The following ASTN2 variants were observed in gnomAD, a reference collection of about 807,000 sequenced individuals.
The protein encoded by ASTN2 is astrotactin 2.
ASTN2 carries 54 observed loss-of-function variants against 139.8 expected under a neutral mutation model. The observed-to-expected ratio is 0.39, with a 90% CI of 0.31 to 0.48. The LOEUF is 0.48. Among genes scored for constraint, ASTN2 ranks in the 20% least tolerant of loss-of-function variants. The pLI is 0.95. For synonymous variants in ASTN2, 756 were observed against 719.5 expected (o/e 1.05, Z -0.81); for missense variants, 1,565 against 1,725.1 (o/e 0.91, Z 1.64).
intron 12 of ASTN2, among the ~76,000 whole-genome samples, chr9:116,811,841 A>G (rs959917085): frequency 2.6e-5 from 4 of 152,220 alleles, no homozygotes; most frequent in East Asian, 1.9e-4. Flanking sequence ...ATTTATTTCT[A>G]TTGGTTCTCA....
chr9:117,169,730 T>C lies in ASTN2; in HGVS notation c.1016-28252A>G, dbSNP rs541047922. On this transcript the variant is annotated intron_variant, in intron 3 of 22. Coordinates refer to ENST00000313400, the MANE Select transcript of ASTN2 (RefSeq NM_001365068.1). ...TGCAGCTTGGAGGCTACGTCAGACA[T>C]GGTGGGGTGGGGCAGGGGGCTGGTG... is the stretch of plus-strand genomic sequence containing the variant. Among the ~76,000 whole-genome samples, 85 of 145,012 alleles carry C rather than the reference T, an allele frequency of 5.9e-4. 1 individual carries two copies. Among genetic ancestry groups the C allele is most frequent in the Admixed American group, 5.8e-3 (85 of 14,606 alleles).
chr9:116,756,709 C>A (rs1232099889), intron 13 of ASTN2, among the ~76,000 whole-genome samples: 1 of 151,760 alleles, frequency 6.6e-6, no homozygotes, highest in African/African-American at 2.4e-5. Context: ...GGCCTCCATC[C>A]CTGTTACTTC....
At chr9:116,644,148 G>A (rs924767789) in intron 17 of ASTN2, among the ~76,000 whole-genome samples, 16 of 152,152 alleles carry the variant, frequency 1.1e-4, no homozygotes, top group Non-Finnish European at 1.0e-4. Flanking sequence ...AATAACTGGG[G>A]GAGGGGGTGA....
At chr9:116,896,777 G>T (rs1833889486) in intron 10 of ASTN2, among the ~76,000 whole-genome samples, 1 of 152,150 alleles carries the variant, frequency 6.6e-6, no homozygotes, top group South Asian at 2.1e-4. Flanking sequence ...CCATTTATAA[G>T]ACCATTAGAT....
intron 20 of ASTN2, among the ~76,000 whole-genome samples, chr9:116,477,432 C>T (rs758791032): frequency 2.4e-4 from 37 of 151,946 alleles, no homozygotes; most frequent in Admixed American, 9.2e-4. Flanking sequence ...ACATTCCACT[C>T]GAGTTTGGGG....
At chr9:116,548,586 T>C (rs1378435553) in intron 19 of ASTN2, among the ~76,000 whole-genome samples, 1 of 151,644 alleles carries the variant, frequency 6.6e-6, no homozygotes, top group Non-Finnish European at 1.5e-5. Context: ...GATTCTCCTG[T>C]CTCAGCCTCC....
chr9:117,076,556 A>G (rs936831055), intron 5 of ASTN2, among the ~76,000 whole-genome samples: 1 of 152,206 alleles, frequency 6.6e-6, no homozygotes, highest in African/African-American at 2.4e-5. Flanking sequence ...ATGTTTTCAG[A>G]CGTGTGTGGT....
intron 11 of ASTN2, among the ~76,000 whole-genome samples, chr9:116,839,537 T>C (rs1380384647): frequency 6.6e-6 from 1 of 152,066 alleles, no homozygotes; most frequent in Non-Finnish European, 1.5e-5. Context: ...TGGAGTGCAG[T>C]GGCACGATCT....
At chr9:117,199,144 C>A (rs1167868563) in intron 3 of ASTN2, among the ~76,000 whole-genome samples, 1 of 152,106 alleles carries the variant, frequency 6.6e-6, no homozygotes, top group Admixed American at 6.6e-5. Flanking sequence ...AATTAGATAC[C>A]ATTTGTCAAT....
chr9:116,446,225 G>A (rs574705154), intron 20 of ASTN2, among the ~76,000 whole-genome samples: 1 of 150,812 alleles, frequency 6.6e-6, no homozygotes, highest in East Asian at 2.0e-4. Context: ...CAGGGACAGA[G>A]AGAGACAGAG....
chr9:116,709,669 A>C (rs1250129653), intron 16 of ASTN2, among the ~76,000 whole-genome samples: 2 of 152,186 alleles, frequency 1.3e-5, no homozygotes, highest in African/African-American at 4.8e-5. Context: ...ATATATACTT[A>C]TACTCAAAGT....
At chr9:116,638,651 A>ATTGTGG (rs1857185496) in intron 17 of ASTN2, among the ~76,000 whole-genome samples, 1 of 152,210 alleles carries the variant, frequency 6.6e-6, no homozygotes, top group East Asian at 1.9e-4. Flanking sequence ...AGCAAAATCC[A>ATTGTGG]GGTTGTGGGG....
At chr9:116,566,600 G>A (rs1853245159) in intron 19 of ASTN2, among the ~76,000 whole-genome samples, 1 of 152,210 alleles carries the variant, frequency 6.6e-6, no homozygotes, top group Non-Finnish European at 1.5e-5. Flanking sequence ...GTCAATACCT[G>A]CAGCGGAATT....
chr9:116,987,147 C>A (rs1836710560), intron 7 of ASTN2, among the ~76,000 whole-genome samples: 2 of 152,230 alleles, frequency 1.3e-5, no homozygotes, highest in South Asian at 4.1e-4. Context: ...GGCTCTGTGT[C>A]CTCAACCAAA....
At chr9:117,047,059 C>T (rs528318655) in intron 5 of ASTN2, among the ~76,000 whole-genome samples, 1 of 152,288 alleles carries the variant, frequency 6.6e-6, no homozygotes, top group Admixed American at 6.5e-5. Flanking sequence ...CCTCATTAAC[C>T]TCACTGAGTG....
At chr9:117,299,651 C>T (rs1329099270) in intron 1 of ASTN2, among the ~76,000 whole-genome samples, 1 of 152,166 alleles carries the variant, frequency 6.6e-6, no homozygotes, top group Non-Finnish European at 1.5e-5. Context: ...AACTCTTGCC[C>T]ATGGAGCATC....
chr9:116,856,828 A>G (rs890712289), intron 11 of ASTN2, among the ~76,000 whole-genome samples: 1 of 152,140 alleles, frequency 6.6e-6, no homozygotes, highest in Non-Finnish European at 1.5e-5. Flanking sequence ...AGGGTTGAGG[A>G]GTGTGGGATT....
chr9:117,043,020 A>G (rs1412462296), intron 5 of ASTN2, among the ~76,000 whole-genome samples: 1 of 151,994 alleles, frequency 6.6e-6, no homozygotes, highest in Non-Finnish European at 1.5e-5. Context: ...ATAGGCACAC[A>G]CCACCACACC....
chr9:116,718,972 G>GTGTGTGTGTATATATATATATATATA lies in ASTN2; in HGVS notation c.2806+6798_2806+6799insTATATATATATATATATACACACACA, dbSNP rs56991546. On this transcript the variant is annotated intron_variant, in intron 16 of 22. Transcript: ENST00000313400. ...TATTTACATATCTATACCTGTATCT[G>GTGTGTGTGTATATATATATATATATA]TACATATATATATATATATCTGCCT... Among the ~76,000 whole-genome samples, 368 of 100,024 alleles carry GTGTGTGTGTATATATATATATATATA rather than the reference G, an allele frequency of 3.7e-3. 7 individuals are homozygous for GTGTGTGTGTATATATATATATATATA. The highest frequency in any genetic ancestry group is 0.013 in the African/African-American group (350 of 26,036). 65.6% of individuals were successfully genotyped at this position (100,024 alleles called of 152,430 possible).
Sources: gnomAD v4.1 joint callset for allele counts (sites outside exome capture counted in the v4.1 genomes callset) on GRCh38, gnomAD v4.1.1 for gene constraint, MANE v1.5 for transcripts, NCBI Gene and HGNC (gene_info 2026-07-23, HGNC 2026-07-21) for gene names.